The following CHD6 variants were observed in gnomAD, a reference collection of about 807,000 sequenced individuals.
CHD6 encodes chromodomain helicase DNA binding protein 6.
A neutral mutation model predicts 276.9 loss-of-function variants in CHD6; 50 were observed. The ratio of observed to expected loss-of-function variants is 0.18; its 90% CI spans 0.14 to 0.23. CHD6 has a LOEUF of 0.23. Ranked by LOEUF, CHD6 falls within the 10% of genes least tolerant of loss-of-function variation. CHD6 has a pLI of 1.00. For synonymous variants in CHD6, 1,173 were observed against 1,229.3 expected (o/e 0.95, Z 0.96); for missense variants, 2,564 against 3,365.8 (o/e 0.76, Z 5.89).
At position 41,452,766 on chromosome 20, in the gene CHD6, C is replaced by A; in HGVS notation, c.3297G>T (p.Arg1099=). ...ARRYLRAECF[R]VEKNLLIFGW... is the part of the protein sequence containing the mutation. ...CAAAGATGAGCAGGTTCTTCTCTAC[C>A]CGGAAGCACTCCGCTCGGAGGTAGC... Residue 1099 remains arginine (R), a synonymous_variant, in exon 21 of 37, where the codon CGG becomes CGT. Coordinates refer to ENST00000373233, the MANE Select transcript of CHD6 (RefSeq NM_032221.5). The surrounding 1 kb of genome is among the most constrained non-coding windows in gnomAD (Gnocchi z 4.2). 6.2e-7 allele frequency: 1 copy of A among 1,613,444 alleles called. No homozygotes were observed. The highest frequency in any genetic ancestry group is 8.5e-7 in the Non-Finnish European group (1 of 1,179,896).
Position 41,437,284 on chromosome 20 carries a change from T to C in CHD6, c.4058A>G (p.Gln1353Arg), listed in dbSNP as rs2047740832. Residue 1353 changes from glutamine to arginine, a missense_variant, in exon 27 of 37, where the codon CAG (glutamine) becomes CGG (arginine). By Grantham distance (43) the Gln-to-Arg change is conservative. This residue lies in a region of CHD6 where 515 missense variants were observed against 739.5 expected (regional missense o/e 0.70). Transcript: ENST00000373233. ...GCACATTTGACTCACCGTTTGTTTC[T>C]GGAGGCCATCTACTTTGTCCTCAGC... ...DNAEDKVDGLQKQTESSSDGG... is the reference protein window; with the variant it reads ...DNAEDKVDGLRKQTESSSDGG... 9 of 1,613,222 alleles carry C rather than the reference T, an allele frequency of 5.6e-6. No individual in the cohort carries two copies. The highest frequency in any genetic ancestry group is 7.6e-6 in the Non-Finnish European group (9 of 1,179,322).
chr20:41,606,159 C>T (rs561207550), intron 1 of CHD6, among the ~76,000 whole-genome samples: 3 of 152,214 alleles, frequency 2.0e-5, no homozygotes, highest in Admixed American at 6.5e-5. Context: ...AGGCGAATCA[C>T]GAGGTCAGGA....
intron 22 of CHD6, among the ~76,000 whole-genome samples, chr20:41,451,556 A>T (rs1165186982): frequency 6.6e-6 from 1 of 152,158 alleles, no homozygotes; most frequent in Non-Finnish European, 1.5e-5. Flanking sequence ...CCTAATTCAG[A>T]GGGGGAGTCT....
chr20:41,539,967 A>C (rs1029382433), intron 2 of CHD6, among the ~76,000 whole-genome samples: 5 of 152,236 alleles, frequency 3.3e-5, no homozygotes, highest in Non-Finnish European at 5.9e-5. Context: ...TTTAAAAAAT[A>C]CTATACGAAT....
At chr20:41,616,227 A>G (rs2045933489) in intron 1 of CHD6, among the ~76,000 whole-genome samples, 1 of 152,174 alleles carries the variant, frequency 6.6e-6, no homozygotes, top group Admixed American at 6.5e-5. Flanking sequence ...CCCCAACTAC[A>G]TGAATAATAA....
intron 16 of CHD6, among the ~76,000 whole-genome samples, chr20:41,480,767 T>TG (rs2043276893): frequency 6.6e-6 from 1 of 152,232 alleles, no homozygotes; most frequent in African/African-American, 2.4e-5. Context: ...TATGAGAAAC[T>TG]GGGGGAAGGT....
chr20:41,454,914 T>C (rs2048338524), intron 19 of CHD6, among the ~76,000 whole-genome samples, 178 bp from the exon 20 acceptor site: 1 of 152,220 alleles, frequency 6.6e-6, no homozygotes, highest in Admixed American at 6.5e-5. Context: ...TACCTTTTAT[T>C]TTAAAAATTG....
At chr20:41,534,077 G>A (rs560614359) in intron 2 of CHD6, among the ~76,000 whole-genome samples, 12 of 152,316 alleles carry the variant, frequency 7.9e-5, no homozygotes, top group South Asian at 4.1e-4. Context: ...ATCCCTTTGG[G>A]TTTAGAAGTT....
chr20:41,424,295 CT>C (rs1388199845), intron 29 of CHD6, among the ~76,000 whole-genome samples: 2 of 152,136 alleles, frequency 1.3e-5, no homozygotes, highest in Non-Finnish European at 2.9e-5. Flanking sequence ...GTCCTCTAGT[CT>C]TTATATCCTA....
chr20:41,485,119 A>G (rs1022922999), intron 14 of CHD6, among the ~76,000 whole-genome samples: 8 of 152,224 alleles, frequency 5.3e-5, no homozygotes, highest in African/African-American at 1.9e-4. Context: ...TATGTAAAGA[A>G]CTAATGTTAT....
intron 24 of CHD6, among the ~76,000 whole-genome samples, chr20:41,447,282 C>T (rs1053658466): frequency 5.9e-5 from 9 of 152,192 alleles, no homozygotes; most frequent in Non-Finnish European, 2.9e-5. Flanking sequence ...GACAGGTGTG[C>T]ACAGGGCTAG....
intron 1 of CHD6, among the ~76,000 whole-genome samples, chr20:41,594,156 G>A (rs951594982): frequency 4.6e-5 from 7 of 151,790 alleles, no homozygotes; most frequent in Admixed American, 1.3e-4. Flanking sequence ...ACCTCATAAA[G>A]GTGTTCCACA....
chr20:41,554,989 G>T (rs1243540680), intron 1 of CHD6, among the ~76,000 whole-genome samples: 1 of 150,900 alleles, frequency 6.6e-6, no homozygotes, highest in South Asian at 2.1e-4. Flanking sequence ...TCCCGGACGG[G>T]GCGGCTGGCC....
chr20:41,421,285 T>G lies in CHD6; in HGVS notation c.5350A>C (p.Ile1784Leu), dbSNP rs764671502. The G allele has an allele frequency of 6.2e-7, 1 of 1,614,132 alleles. No homozygotes were observed. The highest frequency in any genetic ancestry group is 8.5e-7 in the Non-Finnish European group (1 of 1,180,028). Residue 1784 changes from isoleucine (I) to leucine (L), a missense_variant, in exon 31 of 37, where the codon ATT (isoleucine) becomes CTT (leucine). Around this residue, in one of 7 missense-constraint regions of CHD6, gnomAD observed 1,024 missense variants for 1,047.9 expected, o/e 0.98. Coordinates refer to ENST00000373233, the MANE Select transcript of CHD6 (RefSeq NM_032221.5). Reference sequence around the variant, plus strand: ...CAGCAGAGCTCCCCTTCCTTTGAAATAGACATCAACAAATGTTTTCCATTT... The same window carrying G: ...CAGCAGAGCTCCCCTTCCTTTGAAAGAGACATCAACAAATGTTTTCCATTT... ...IKNGKHLLMS[I>L]SKEGELCCSE...
chr20:41,470,059 A>C (rs1390999496), intron 17 of CHD6, among the ~76,000 whole-genome samples: 1 of 152,238 alleles, frequency 6.6e-6, no homozygotes, highest in Non-Finnish European at 1.5e-5. Context: ...TGCAAGGGCA[A>C]ATGCCAAGGG....
At chr20:41,551,111 G>A (rs961973959) in intron 2 of CHD6, among the ~76,000 whole-genome samples, 194 bp downstream of exon 2, 2 of 152,124 alleles carry the variant, frequency 1.3e-5, no homozygotes, top group South Asian at 2.1e-4. Flanking sequence ...TTACTCCTAC[G>A]TGAAGATGAA....
intron 1 of CHD6, among the ~76,000 whole-genome samples, chr20:41,605,629 A>T (rs1262305510): frequency 1.3e-5 from 2 of 152,210 alleles, no homozygotes; most frequent in African/African-American, 4.8e-5. Context: ...ACAAATACCA[A>T]GGGTTAATGG....
chr20:41,478,278 C>T (rs1302847644), intron 16 of CHD6, among the ~76,000 whole-genome samples: 2 of 152,120 alleles, frequency 1.3e-5, no homozygotes, highest in Non-Finnish European at 2.9e-5. Context: ...AAACACACAG[C>T]CTCTGCTTCT....
intron 31 of CHD6, among the ~76,000 whole-genome samples, 200 bp from the exon 32 acceptor site, chr20:41,417,549 G>A (rs1175090289): frequency 2.0e-5 from 3 of 152,132 alleles, no homozygotes; most frequent in African/African-American, 7.2e-5. Flanking sequence ...ATCCTGCTCT[G>A]GGGCTCCCAA....
Sources: gnomAD v4.1 joint callset for allele counts (sites outside exome capture counted in the v4.1 genomes callset) on GRCh38, gnomAD v4.1.1 for gene constraint, gnomAD v4.1.1 regional missense constraint, Gnocchi (gnomAD v3.1) non-coding constraint, MANE v1.5 for transcripts, NCBI Gene and HGNC (gene_info 2026-07-23, HGNC 2026-07-21) for gene names.